The following HSPA14 variants were observed in gnomAD, a reference collection of about 807,000 sequenced individuals.
HSPA14 encodes heat shock protein family A (Hsp70) member 14.
A neutral mutation model predicts 65.5 loss-of-function variants in HSPA14; 37 were observed. The observed-to-expected ratio is 0.56, with a 90% confidence interval of 0.43 to 0.74. HSPA14 has a LOEUF of 0.74. Ranked by LOEUF, HSPA14 falls within the 30% of genes least tolerant of loss-of-function variation. The probability of loss-of-function intolerance (pLI) is 0.00; values close to 1 mark genes in which losing one functional copy is unlikely to be tolerated. For missense variants in HSPA14, 564 were observed against 607.6 expected (o/e 0.93, Z 0.75); for synonymous variants, 203 against 214.2 (o/e 0.95, Z 0.46).
rs1229276673 is a variant in HSPA14, at chr10:14,849,831, C to G, written c.467+20C>G. The G allele has an allele frequency of 6.9e-7, 1 of 1,445,294 alleles. No individual in the cohort carries two copies. Among genetic ancestry groups the G allele is most frequent in the African/African-American group, 1.4e-5 (1 of 70,720 alleles). 89.5% of individuals were successfully genotyped at this position (1,445,294 alleles called of 1,614,324 possible). A position where few individuals can be genotyped will look rare whatever the true frequency, so the allele number is the denominator to read the frequency against. ...TCTTGGGTAAGTATATGGGGTTTAT[C>G]TTACTGGCTTAATTAAAGGAAGTAC... On this transcript the variant is annotated intron_variant, in intron 6 of 13. Coordinates refer to ENST00000378372, the MANE Select transcript of HSPA14 (RefSeq NM_016299.4).
chr10:14,870,589 A>G lies in HSPA14; in HGVS notation c.1381-8A>G, dbSNP rs748296119. On this transcript the variant is annotated splice_polypyrimidine_tract_variant and splice_region_variant and intron_variant, in intron 12 of 13. Transcript: ENST00000378372. ...TGAATTCTCTTCATATTGTTCTTGT[A>G]TAAACAGGTTGTACTCCAGGATTTA... The G allele has an allele frequency of 2.5e-6, 4 of 1,583,456 alleles. No individual in the cohort carries two copies. The Admixed American group carries it at 7.0e-5, about 28-fold the overall frequency.
At chr10:14,855,447 T>C (rs1256629483) in intron 9 of HSPA14, among the ~76,000 whole-genome samples, 1 of 152,200 alleles carries the variant, frequency 6.6e-6, no homozygotes, top group Admixed American at 6.5e-5. Flanking sequence ...CTTTAACATA[T>C]AAAAATGGCA....
intron 6 of HSPA14, among the ~76,000 whole-genome samples, 173 bp downstream of exon 6, chr10:14,849,984 G>A (rs560617498): frequency 1.2e-4 from 18 of 152,116 alleles, no homozygotes; most frequent in Non-Finnish European, 2.5e-4. Flanking sequence ...ATGCCAAGAG[G>A]CCAGGTGTGG....
Position 14,867,107 on chromosome 10 carries a change from C to T in HSPA14, c.1018C>T (p.Arg340Ter), listed in dbSNP as rs769277323. ...NKVVLCGGSS[R>*]IPKLQQLIKD... The stretch of plus-strand genomic sequence containing the variant: ...GGTTGTCCTTTGTGGAGGGTCTTCT[C>T]GAATCCCAAAGCTACAGCAACTGAT... The change falls in exon 11 of 14, where the codon CGA (arginine) becomes TGA (stop). Residue 340 changes from arginine to a stop codon, truncating the protein, a stop_gained. Coordinates refer to ENST00000378372, the MANE Select transcript of HSPA14 (RefSeq NM_016299.4). LOFTEE classifies it high-confidence loss of function. The T allele has an allele frequency of 1.1e-5, 18 of 1,613,326 alleles. No individual in the cohort carries two copies. Among genetic ancestry groups the T allele is most frequent in the East Asian group, 2.2e-5 (1 of 44,814 alleles).
chr10:14,847,529 G>A (rs764847119), intron 3 of HSPA14, among the ~76,000 whole-genome samples: 14 of 152,200 alleles, frequency 9.2e-5, no homozygotes, highest in Non-Finnish European at 1.6e-4. Flanking sequence ...CTTTGGGCAA[G>A]CTACTTACCT....
Position 14,854,103 on chromosome 10 carries a change from A to C in HSPA14, c.735-22A>C, listed in dbSNP as rs746885852. The stretch of plus-strand genomic sequence containing the variant: ...AAATGGCCCAGTAATTTTAAACCCC[A>C]AAGGCTATGTTTTTAATTTAGATCC... On this transcript the variant is annotated intron_variant, in intron 8 of 13. Coordinates refer to ENST00000378372, the MANE Select transcript of HSPA14 (RefSeq NM_016299.4). 2.5e-6 allele frequency: 4 copies of C among 1,573,578 alleles called. No homozygotes were observed. The Admixed American group carries it at 7.8e-5, about 31-fold the overall frequency.
chr10:14,852,442 T>C lies in HSPA14; in HGVS notation c.645T>C (p.Tyr215=), dbSNP rs774140535. The C allele has an allele frequency of 1.2e-6, 2 of 1,613,888 alleles. No homozygotes were observed. The highest frequency in any genetic ancestry group is 1.1e-5 in the South Asian group (1 of 91,070). Residue 215 remains tyrosine, a synonymous_variant, in exon 8 of 14, where the codon TAT becomes TAC. Transcript: ENST00000378372. ...LSVMEVNSGI[Y]RVLSTNTDDN... is the part of the protein sequence containing the mutation. Reference sequence around the variant, plus strand: ...TCATGGAAGTTAACAGTGGAATATATCGGGTTCTTTCAACAAACACTGATG... The same window carrying C: ...TCATGGAAGTTAACAGTGGAATATACCGGGTTCTTTCAACAAACACTGATG...
intron 1 of HSPA14, among the ~76,000 whole-genome samples, chr10:14,839,390 A>G (rs1833939573): frequency 6.6e-6 from 1 of 152,206 alleles, no homozygotes; most frequent in South Asian, 2.1e-4. Context: ...CCTGGCTAAC[A>G]TGGTGAAACC....
chr10:14,850,072 G>A lies in HSPA14; in HGVS notation c.467+261G>A, dbSNP rs952028856. On this transcript the variant is annotated intron_variant, in intron 6 of 13. Transcript: ENST00000378372. Reference sequence around the variant, plus strand: ...GTGGACCACCTGAGGTCAGGAGTTCGAGACCTGCCTAGCCAATATGGCCAA... The same window carrying A: ...GTGGACCACCTGAGGTCAGGAGTTCAAGACCTGCCTAGCCAATATGGCCAA... 4.6e-5 allele frequency among the ~76,000 whole-genome samples: 7 copies of A among 152,108 alleles called. No individual in the cohort carries two copies. In the East Asian group the frequency reaches 9.6e-4, roughly 21 times the overall value.
In HSPA14 at chr10:14,852,480, G is replaced by C; in HGVS notation, c.683G>C (p.Gly228Ala). The C allele has an allele frequency of 6.2e-7, 1 of 1,613,782 alleles. No individual in the cohort carries two copies. The highest frequency in any genetic ancestry group is 8.5e-7 in the Non-Finnish European group (1 of 1,179,710). Residue 228 changes from glycine to alanine, a missense_variant, in exon 8 of 14, where the codon GGT becomes GCT. Coordinates refer to ENST00000378372, the MANE Select transcript of HSPA14 (RefSeq NM_016299.4). ...LSTNTDDNIG[G>A]AHFTETLAQY... ...ACAAACACTGATGATAACATCGGTGGTGCACATTTCACAGAAACCTTAGCA... is the reference window on the plus strand; with the variant it reads ...ACAAACACTGATGATAACATCGGTGCTGCACATTTCACAGAAACCTTAGCA...
chr10:14,864,183 T>C (rs1832783438), intron 10 of HSPA14, among the ~76,000 whole-genome samples: 1 of 147,974 alleles, frequency 6.8e-6, no homozygotes, highest in African/African-American at 2.5e-5. Context: ...GAGCTATGAC[T>C]GTACCACTGC....
rs751779531 is a variant in HSPA14, at chr10:14,843,548, C to A, written c.221+3391C>A. 27 of 1,550,596 alleles carry A rather than the reference C, an allele frequency of 1.7e-5. No individual in the cohort carries two copies. The East Asian group carries it at 5.6e-4, about 32-fold the overall frequency. On this transcript the variant is annotated intron_variant, in intron 3 of 13. Transcript: ENST00000378372. ...TCCACACCGCAGACTCCAGTCTCCT[C>A]TTCGAGAGCTGGTTTTGTTTCTGGT...
At chr10:14,857,074 T>C (rs984830191) in intron 10 of HSPA14, among the ~76,000 whole-genome samples, 5 of 152,158 alleles carry the variant, frequency 3.3e-5, no homozygotes, top group Non-Finnish European at 7.4e-5. Context: ...GCCTAATTTA[T>C]ATAATATAAC....
chr10:14,845,387 T>C lies in HSPA14; in HGVS notation c.222-3222T>C, dbSNP rs1055601240. 3.0e-6 allele frequency: 3 copies of C among 985,144 alleles called. No individual in the cohort carries two copies. The Admixed American group carries it at 1.8e-4, about 61-fold the overall frequency. The allele number at this position is 985,144 out of a possible 1,614,324, so 61.0% of individuals were successfully genotyped here. ...CGAGTGCTTAGCTAAATGCTGGAAA[T>C]GGACATAGGTGGAGAAATGGTCAGA... On this transcript the variant is annotated intron_variant, in intron 3 of 13. Transcript: ENST00000378372.
chr10:14,839,577 A>C (rs10906771), intron 1 of HSPA14, among the ~76,000 whole-genome samples: 22,548 of 151,590 alleles, frequency 0.15, 3,906 homozygotes, highest in African/African-American at 0.42. Context: ...TGTCCAAAAA[A>C]AAAAAAAAAA....
At chr10:14,848,747 A>G in intron 4 of HSPA14, 43 bp from the exon 5 acceptor site, 1 of 1,435,074 alleles carries the variant, frequency 7.0e-7, no homozygotes, top group Non-Finnish European at 9.6e-7. Context: ...TTGCATTTTT[A>G]TTAAAAATTA....
At chr10:14,862,650 C>T (rs985256251) in intron 10 of HSPA14, among the ~76,000 whole-genome samples, 12 of 152,096 alleles carry the variant, frequency 7.9e-5, no homozygotes, top group African/African-American at 2.9e-4. Context: ...ATTGGGATTG[C>T]AGGCATGAGC....
rs542867415 is a variant in HSPA14 at position 14,843,760 on chromosome 10, A to G, written c.221+3603A>G. The G allele has an allele frequency of 5.5e-5, 85 of 1,536,448 alleles. 1 individual carries two copies. In the Middle Eastern group the frequency reaches 1.0e-3, roughly 18 times the overall value. On this transcript the variant is annotated intron_variant, in intron 3 of 13. Transcript: ENST00000378372. ...TGAGGAGGCCAGTGCTCAGCAAGAT[A>G]CTGCCAATGAGCTCCGCAGGGATGC...
At chr10:14,848,960 A>C (rs1350596713) in intron 5 of HSPA14, 65 bp downstream of exon 5, 1 of 875,984 alleles carries the variant, frequency 1.1e-6, no homozygotes, top group Non-Finnish European at 1.8e-6. Context: ...CTTAAAAAAA[A>C]AGTTAGAGGT....
Sources: allele counts gnomAD v4.1 joint callset (sites outside exome capture counted in the v4.1 genomes callset), GRCh38; gene constraint gnomAD v4.1.1; transcripts MANE v1.5; gene names NCBI Gene and HGNC (gene_info 2026-07-23, HGNC 2026-07-21).